GRM8: variants seen among roughly 807,000 people sequenced by gnomAD.
The protein encoded by GRM8 is metabotropic glutamate receptor 8.
In GRM8, 47 loss-of-function variants were observed where a neutral mutation model predicts 87.2. The observed-to-expected ratio is 0.54, with a 90% CI of 0.43 to 0.69. The LOEUF is 0.69. GRM8 is among the 30% of genes least tolerant of loss of function. GRM8 has a pLI of 0.00. For missense variants in GRM8, 1,019 were observed against 1,139.2 expected (o/e 0.89, Z 1.52); for synonymous variants, 396 against 404.5 (o/e 0.98, Z 0.25).
chr7:127,161,239 C>T (rs550449188), intron 2 of GRM8, among the ~76,000 whole-genome samples: 4 of 152,218 alleles, frequency 2.6e-5, no homozygotes, highest in African/African-American at 7.2e-5. Flanking sequence ...ACCTGTGTGG[C>T]CCTTTGATCT....
At chr7:127,109,755 G>A (rs1458861438) in intron 2 of GRM8, among the ~76,000 whole-genome samples, 1 of 152,162 alleles carries the variant, frequency 6.6e-6, no homozygotes, top group Admixed American at 6.6e-5. Flanking sequence ...AGTGCTCAAT[G>A]AATGTTTGAG....
At chr7:126,831,153 G>C (rs982294866) in intron 6 of GRM8, among the ~76,000 whole-genome samples, 2 of 152,176 alleles carry the variant, frequency 1.3e-5, no homozygotes, top group African/African-American at 4.8e-5. Flanking sequence ...GGGGGTCAGG[G>C]GTCAGGGACC....
At chr7:126,446,098 A>C in intron 10 of GRM8, 28 bp downstream of exon 10, 1 of 1,612,246 alleles carries the variant, frequency 6.2e-7, no homozygotes, top group Non-Finnish European at 8.5e-7. Context: ...CCCGCTCTTG[A>C]CCATCGGAAA....
intron 3 of GRM8, among the ~76,000 whole-genome samples, chr7:127,047,709 T>C (rs975635982): frequency 2.0e-5 from 3 of 152,056 alleles, no homozygotes; most frequent in Non-Finnish European, 2.9e-5. Context: ...TTCATACCTA[T>C]AGTGCCAGCT....
intron 3 of GRM8, among the ~76,000 whole-genome samples, chr7:127,068,160 T>C (rs1024787176): frequency 6.6e-6 from 1 of 152,164 alleles, no homozygotes; most frequent in Non-Finnish European, 1.5e-5. Context: ...TTAATGAAAC[T>C]CTTTTATGAA....
intron 2 of GRM8, among the ~76,000 whole-genome samples, chr7:127,187,371 T>G (rs544766746): frequency 6.6e-6 from 1 of 152,094 alleles, no homozygotes; most frequent in Non-Finnish European, 1.5e-5. Context: ...AGAGAGGATT[T>G]ACTTTTTTAA....
At chr7:127,250,876 T>C (rs1240800875) in intron 1 of GRM8, 1 of 152,242 alleles carries the variant, frequency 6.6e-6, no homozygotes, top group Admixed American at 6.5e-5. Context: ...TCTCTATTTT[T>C]CTTTCAAGCA....
chr7:126,793,438 AG>A (rs1364730592), intron 6 of GRM8, among the ~76,000 whole-genome samples: 1 of 152,170 alleles, frequency 6.6e-6, no homozygotes, highest in East Asian at 1.9e-4. Flanking sequence ...TGATTTGAAA[AG>A]TGGGATTCAT....
At chr7:126,835,656 A>G (rs1384523672) in intron 6 of GRM8, among the ~76,000 whole-genome samples, 2 of 152,372 alleles carry the variant, frequency 1.3e-5, no homozygotes, top group Admixed American at 1.3e-4. Flanking sequence ...AAGATTTATT[A>G]TGGATTTTGG....
rs535247960 is a variant in GRM8 at position 126,897,770 on chromosome 7, G to A, written c.1156+4772C>T. Among the ~76,000 whole-genome samples, 6 of 152,250 alleles carry A rather than the reference G, an allele frequency of 3.9e-5. No homozygotes were observed. In the South Asian group the frequency reaches 1.2e-3, roughly 32 times the overall value. On this transcript the variant is annotated intron_variant, in intron 6 of 10. Coordinates refer to ENST00000339582, the MANE Select transcript of GRM8 (RefSeq NM_000845.3). ...AACTACATAAATAGCTAAGTGGATG[G>A]TAGGAATTACCTCACTTGGAATTTG... is the stretch of plus-strand genomic sequence containing the variant.
At chr7:126,639,814 C>A (rs1360197107) in intron 7 of GRM8, among the ~76,000 whole-genome samples, 1 of 152,202 alleles carries the variant, frequency 6.6e-6, no homozygotes, top group African/African-American at 2.4e-5. Flanking sequence ...GTTCAGCAGA[C>A]TCAGAAGCTG....
intron 3 of GRM8, among the ~76,000 whole-genome samples, chr7:127,073,796 CT>C (rs1475627794): frequency 6.6e-6 from 1 of 152,120 alleles, no homozygotes; most frequent in Non-Finnish European, 1.5e-5. Context: ...TTGCAACCAG[CT>C]TTTTTCAGAC....
chr7:126,994,455 GAATAGGC>G (rs1812979305), intron 3 of GRM8, among the ~76,000 whole-genome samples: 1 of 152,158 alleles, frequency 6.6e-6, no homozygotes, highest in African/African-American at 2.4e-5. Flanking sequence ...CTGAATCCAG[GAATAGGC>G]TATTGGATGG....
chr7:126,841,404 C>G (rs188331477), intron 6 of GRM8, among the ~76,000 whole-genome samples: 3 of 151,996 alleles, frequency 2.0e-5, no homozygotes, highest in African/African-American at 7.2e-5. Context: ...CTATGCTAGC[C>G]CCTCTGATAT....
chr7:126,694,181 G>C (rs1221762975), intron 7 of GRM8, among the ~76,000 whole-genome samples: 1 of 151,838 alleles, frequency 6.6e-6, no homozygotes, highest in African/African-American at 2.4e-5. Context: ...ATGTGATTCT[G>C]ACTCAATTCC....
intron 2 of GRM8, among the ~76,000 whole-genome samples, chr7:127,213,020 G>T (rs1052504247): frequency 7.9e-5 from 12 of 152,190 alleles, no homozygotes; most frequent in African/African-American, 2.7e-4. Context: ...CTCAACAGCT[G>T]TAATTCTGCA....
At chr7:126,920,734 C>A (rs1037488536) in intron 3 of GRM8, among the ~76,000 whole-genome samples, 15 of 152,112 alleles carry the variant, frequency 9.9e-5, no homozygotes, top group Non-Finnish European at 1.5e-4. Context: ...TAGTGAGTTT[C>A]TATAGAATAA....
At chr7:126,474,092 C>T (rs917434644) in intron 9 of GRM8, among the ~76,000 whole-genome samples, 5 of 151,922 alleles carry the variant, frequency 3.3e-5, no homozygotes, top group Admixed American at 6.6e-5. Context: ...ATATCTCATA[C>T]ATTTAATTAT....
intron 2 of GRM8, among the ~76,000 whole-genome samples, chr7:127,166,473 T>C (rs939739657): frequency 6.6e-6 from 1 of 152,130 alleles, no homozygotes; most frequent in Non-Finnish European, 1.5e-5. Flanking sequence ...ATGAAGGCCA[T>C]ACAAAATCAG....
Sources: allele counts gnomAD v4.1 joint callset (sites outside exome capture counted in the v4.1 genomes callset), GRCh38; gene constraint gnomAD v4.1.1; transcripts MANE v1.5; gene names NCBI Gene and HGNC (gene_info 2026-07-23, HGNC 2026-07-21).